The following CENPE variants were observed in gnomAD, a reference collection of about 807,000 sequenced individuals.
CENPE encodes centromere-associated protein E.
In CENPE, 145 loss-of-function variants were observed where a neutral mutation model predicts 336.1. The observed-to-expected ratio is 0.43, with a 90% confidence interval of 0.38 to 0.50. The LOEUF (loss-of-function observed/expected upper bound fraction) is 0.50. Ranked by LOEUF, CENPE falls within the 20% of genes least tolerant of loss-of-function variation. The probability of loss-of-function intolerance (pLI) is 0.00; values close to 1 mark genes in which losing one functional copy is unlikely to be tolerated. For missense variants in CENPE, 2,719 were observed against 3,023.3 expected (o/e 0.90, Z 2.36); for synonymous variants, 1,013 against 984.8 (o/e 1.03, Z -0.54).
chr4:103,117,690 C>A (rs918960992), intron 44 of CENPE, among the ~76,000 whole-genome samples: 3 of 140,128 alleles, frequency 2.1e-5, no homozygotes, highest in African/African-American at 8.3e-5. Context: ...TGCAGTGGTG[C>A]GATCTCGGCT....
At chr4:103,124,201 T>C (rs1750896050) in intron 42 of CENPE, among the ~76,000 whole-genome samples, 1 of 152,154 alleles carries the variant, frequency 6.6e-6, no homozygotes, top group African/African-American at 2.4e-5. Flanking sequence ...TTAAAAAAAC[T>C]TCAAAAAACC....
chr4:103,177,580 C>T (rs1019769121), intron 13 of CENPE, among the ~76,000 whole-genome samples: 5 of 151,940 alleles, frequency 3.3e-5, no homozygotes, highest in African/African-American at 9.7e-5. Context: ...ATCAACCTTA[C>T]TACATCTTTT....
At position 103,175,990 on chromosome 4, in the gene CENPE, T is replaced by C. The variant is rs745732854; in HGVS notation, c.1449A>G (p.Glu483=). The C allele has an allele frequency of 3.1e-6, 5 of 1,606,426 alleles. No individual in the cohort carries two copies. The highest frequency in any genetic ancestry group is 4.3e-6 in the Non-Finnish European group (5 of 1,175,506). The change falls in exon 15 of 49, where the codon GAA becomes GAG. Residue 483 remains glutamate, a synonymous_variant. Transcript: ENST00000265148. ...SNTLDTLSEI[E]WNPATKLLNQ... is the part of the protein sequence containing the mutation. ...TTAGTAGCTTTGTTGCTGGATTCCA[T>C]TCTATCTCACTTAATGTATCAAGAG...
In CENPE at chr4:103,176,884, GA is replaced by G; in HGVS notation, c.1390+14del. On this transcript the variant is annotated intron_variant, in intron 14 of 48. Coordinates refer to ENST00000265148, the MANE Select transcript of CENPE (RefSeq NM_001813.3). ...TTTATAATTAAACATAGTTCCACTT[GA>G]AAAAAGCACTCACATTCATCAATTT... The G allele has an allele frequency of 1.9e-6, 3 of 1,548,612 alleles. No individual in the cohort carries two copies. The highest frequency in any genetic ancestry group is 2.6e-6 in the Non-Finnish European group (3 of 1,144,294).
At chr4:103,112,428 T>C (rs1381993292) in intron 46 of CENPE, among the ~76,000 whole-genome samples, 1 of 137,506 alleles carries the variant, frequency 7.3e-6, no homozygotes, top group East Asian at 2.1e-4. Context: ...TATACTTATA[T>C]ACTTATACAT....
rs933025871 is a variant in CENPE, at chr4:103,188,937, C to G, written c.694-3076G>C. The stretch of plus-strand genomic sequence containing the variant: ...GAAAAGAGAGAAGAATCAAATAGAC[C>G]CAATAAAAAATGATAAAGGGGATAT... On this transcript the variant is annotated intron_variant, in intron 8 of 48. Coordinates refer to ENST00000265148, the MANE Select transcript of CENPE (RefSeq NM_001813.3). Among the ~76,000 whole-genome samples, 465 of 151,820 alleles carry G rather than the reference C, an allele frequency of 3.1e-3. 3 individuals are homozygous for G. The highest frequency in any genetic ancestry group is 7.6e-3 in the African/African-American group (315 of 41,476).
chr4:103,116,802 C>T, intron 44 of CENPE, 113 bp from the exon 45 acceptor site: 1 of 551,006 alleles, frequency 1.8e-6, no homozygotes, highest in Non-Finnish European at 3.2e-6. Context: ...AAATAGCAAA[C>T]AATTCCAAAT....
intron 24 of CENPE, among the ~76,000 whole-genome samples, chr4:103,155,562 C>T (rs1753897971): frequency 6.6e-6 from 1 of 152,160 alleles, no homozygotes; most frequent in South Asian, 2.1e-4. Context: ...ATCTGCCCAC[C>T]TTGGCCTCTG....
At chr4:103,156,495 T>C (rs913535225) in intron 24 of CENPE, among the ~76,000 whole-genome samples, 5 of 152,072 alleles carry the variant, frequency 3.3e-5, no homozygotes, top group Non-Finnish European at 7.4e-5. Flanking sequence ...GATGATCTTT[T>C]CAAAAAATGG....
At chr4:103,132,958 ATT>A in intron 41 of CENPE, 62 bp from the exon 42 acceptor site, 1 of 228,252 alleles carries the variant, frequency 4.4e-6, no homozygotes, top group Non-Finnish European at 7.8e-6. Flanking sequence ...CAAATATTTT[ATT>A]TATATATATA....
intron 46 of CENPE, among the ~76,000 whole-genome samples, chr4:103,113,180 G>GTA (rs1408442091): frequency 3.1e-4 from 28 of 90,030 alleles, no homozygotes; most frequent in South Asian, 7.3e-4. Flanking sequence ...GTATATAAGT[G>GTA]TATATATACT....
At chr4:103,165,068 T>TCTGC (rs1321177966) in intron 16 of CENPE, among the ~76,000 whole-genome samples, 3 of 140,918 alleles carry the variant, frequency 2.1e-5, no homozygotes, top group African/African-American at 5.0e-5. Context: ...TACTGGTTCT[T>TCTGC]ATGCATAGAA....
In CENPE at chr4:103,133,688, A is replaced by G; in HGVS notation, c.6720+7T>C. 1.3e-6 allele frequency: 2 copies of G among 1,545,454 alleles called. No individual in the cohort carries two copies. Among genetic ancestry groups the G allele is most frequent in the Non-Finnish European group, 1.8e-6 (2 of 1,128,024 alleles). On this transcript the variant is annotated splice_region_variant and intron_variant, in intron 41 of 48. Transcript: ENST00000265148. ...ATCTAACTAAATCCATTTAAAATAAATTATACCTCAATATGTAGATCCATA... is the reference window on the plus strand; with the variant it reads ...ATCTAACTAAATCCATTTAAAATAAGTTATACCTCAATATGTAGATCCATA...
chr4:103,132,960 T>TTATATATAATATA (rs747843126), intron 41 of CENPE, 64 bp from the exon 42 acceptor site: 7 of 148,224 alleles, frequency 4.7e-5, no homozygotes, highest in African/African-American at 2.2e-4. Context: ...AATATTTTAT[T>TTATATATAATATA]TATATATATA....
At chr4:103,150,548 G>A (rs1396700925) in intron 26 of CENPE, among the ~76,000 whole-genome samples, 1 of 151,896 alleles carries the variant, frequency 6.6e-6, no homozygotes, top group African/African-American at 2.4e-5. Context: ...TCATGCCACT[G>A]CACTCCAGCC....
At chr4:103,192,319 C>T (rs976137224) in intron 8 of CENPE, among the ~76,000 whole-genome samples, 5 of 152,132 alleles carry the variant, frequency 3.3e-5, no homozygotes, top group African/African-American at 1.2e-4. Flanking sequence ...AACAAGCATT[C>T]ATATTCAAAG....
intron 16 of CENPE, among the ~76,000 whole-genome samples, chr4:103,172,973 C>T (rs1482021376): frequency 3.3e-5 from 5 of 151,922 alleles, no homozygotes; most frequent in Non-Finnish European, 7.4e-5. Context: ...TATCAAAACA[C>T]CAAAGACATT....
intron 42 of CENPE, among the ~76,000 whole-genome samples, chr4:103,126,735 T>C (rs1168442619): frequency 6.6e-6 from 1 of 152,014 alleles, no homozygotes; most frequent in African/African-American, 2.4e-5. Context: ...CATAGAAATT[T>C]TGAGCAAAAA....
At chr4:103,182,974 A>C (rs945931778) in intron 10 of CENPE, 83 bp from the exon 11 acceptor site, 39 of 1,365,264 alleles carry the variant, frequency 2.9e-5, no homozygotes, top group Admixed American at 6.5e-5. Context: ...CAGAACTCTT[A>C]AATCAGCCAG....
Sources: gnomAD v4.1 joint callset for allele counts (sites outside exome capture counted in the v4.1 genomes callset) on GRCh38, gnomAD v4.1.1 for gene constraint, MANE v1.5 for transcripts, NCBI Gene and HGNC (gene_info 2026-07-23, HGNC 2026-07-21) for gene names.